CDKAL1: variants seen among roughly 807,000 people sequenced by gnomAD.
CDKAL1 encodes CDKAL1 threonylcarbamoyladenosine tRNA methylthiotransferase.
Under a neutral mutation model 68.2 loss-of-function variants are expected in CDKAL1, and 32 were observed. The observed-to-expected ratio is 0.47, with a 90% CI of 0.35 to 0.63. CDKAL1 has a LOEUF of 0.63. Ranked by LOEUF, CDKAL1 falls within the 30% of genes least tolerant of loss-of-function variation. CDKAL1 has a pLI of 0.00. For synonymous variants in CDKAL1, 234 were observed against 244.3 expected (o/e 0.96, Z 0.39); for missense variants, 606 against 696.7 (o/e 0.87, Z 1.47).
chr6:20,536,935 G>T (rs1169033255), intron 2 of CDKAL1, among the ~76,000 whole-genome samples: 1 of 152,222 alleles, frequency 6.6e-6, no homozygotes, highest in Non-Finnish European at 1.5e-5. Flanking sequence ...GTACACACAT[G>T]AGAATGACTG....
At chr6:20,864,839 A>G (rs182562385) in intron 9 of CDKAL1, among the ~76,000 whole-genome samples, 32 of 152,314 alleles carry the variant, frequency 2.1e-4, no homozygotes, top group African/African-American at 7.5e-4. Context: ...TTTATTGTAC[A>G]TGCTGCATGA....
At chr6:20,937,587 A>T (rs141430929) in intron 9 of CDKAL1, among the ~76,000 whole-genome samples, 1 of 152,064 alleles carries the variant, frequency 6.6e-6, no homozygotes, top group Non-Finnish European at 1.5e-5. Context: ...TTCACTTCCA[A>T]TCTGGGCCAG....
chr6:20,618,352 A>G (rs1044666522), intron 4 of CDKAL1, among the ~76,000 whole-genome samples: 7 of 152,002 alleles, frequency 4.6e-5, no homozygotes, highest in Non-Finnish European at 7.4e-5. Context: ...ATTTTCTCCC[A>G]TTCTGTAGGT....
intron 5 of CDKAL1, among the ~76,000 whole-genome samples, chr6:20,655,174 A>G (rs9465856): frequency 0.068 from 10,369 of 152,164 alleles, 1,129 homozygotes; most frequent in African/African-American, 0.23. Context: ...CCTGCACAGT[A>G]TGTACTTTAT....
intron 13 of CDKAL1, among the ~76,000 whole-genome samples, chr6:21,110,849 T>A (rs115716272): frequency 3.5e-4 from 53 of 152,228 alleles, no homozygotes; most frequent in Non-Finnish European, 5.4e-4. Context: ...ACACCTGTAG[T>A]CCTAGCTACC....
intron 4 of CDKAL1, among the ~76,000 whole-genome samples, chr6:20,610,347 A>G (rs1188515398): frequency 6.6e-6 from 1 of 152,222 alleles, no homozygotes; most frequent in Admixed American, 6.5e-5. Context: ...TCTTTGAGGA[A>G]TCGCCATACA....
intron 15 of CDKAL1, 70 bp downstream of exon 15, chr6:21,201,344 G>T: frequency 7.4e-7 from 1 of 1,345,742 alleles, no homozygotes; most frequent in Non-Finnish European, 1.0e-6. Flanking sequence ...GTGATTCCAG[G>T]CCATGTTTCT....
intron 12 of CDKAL1, among the ~76,000 whole-genome samples, chr6:21,090,002 G>GC (rs34465715): frequency 0.4 from 60,329 of 151,966 alleles, 12,427 homozygotes; most frequent in African/African-American, 0.52. Context: ...TATATAGCAT[G>GC]CAGTGTTAGG....
At chr6:20,981,109 G>T (rs374654903) in intron 10 of CDKAL1, among the ~76,000 whole-genome samples, 4 of 152,178 alleles carry the variant, frequency 2.6e-5, no homozygotes, top group African/African-American at 9.7e-5. Context: ...AACTGAGCAG[G>T]AGGAGGCTGT....
intron 4 of CDKAL1, among the ~76,000 whole-genome samples, chr6:20,579,153 T>A (rs1765036237): frequency 6.6e-6 from 1 of 152,050 alleles, no homozygotes; most frequent in South Asian, 2.1e-4. Flanking sequence ...AATTTTTGTA[T>A]TTTTTTGGTA....
chr6:20,932,136 A>C (rs936581239), intron 9 of CDKAL1, among the ~76,000 whole-genome samples: 3 of 152,188 alleles, frequency 2.0e-5, no homozygotes, highest in African/African-American at 4.8e-5. Flanking sequence ...TTTTGGGATC[A>C]ATAATTGGGA....
chr6:21,167,679 G>A (rs1777206772), intron 13 of CDKAL1, among the ~76,000 whole-genome samples: 1 of 152,186 alleles, frequency 6.6e-6, no homozygotes, highest in South Asian at 2.1e-4. Flanking sequence ...AACTGATTAA[G>A]TGACCAAAAT....
intron 8 of CDKAL1, among the ~76,000 whole-genome samples, chr6:20,783,280 C>T (rs1775513101): frequency 6.6e-6 from 1 of 152,176 alleles, no homozygotes; most frequent in African/African-American, 2.4e-5. Flanking sequence ...TGGCTAGACA[C>T]ATGCCTTTAA....
chr6:20,874,471 T>A (rs1760391679), intron 9 of CDKAL1, among the ~76,000 whole-genome samples: 1 of 151,308 alleles, frequency 6.6e-6, no homozygotes, highest in African/African-American at 2.4e-5. Context: ...GCCTGGCTAA[T>A]TTTTTTTTGT....
chr6:21,076,773 A>C (rs1002318311), intron 12 of CDKAL1, among the ~76,000 whole-genome samples: 1 of 152,152 alleles, frequency 6.6e-6, no homozygotes. Flanking sequence ...CTATCTTGGC[A>C]TTCTTATTCT....
At chr6:20,755,621 C>A (rs1774135035) in intron 6 of CDKAL1, among the ~76,000 whole-genome samples, 1 of 152,162 alleles carries the variant, frequency 6.6e-6, no homozygotes. Flanking sequence ...TTTCATCAGT[C>A]CTTTCAACCA....
At chr6:20,638,825 G>T (rs2127749046) in intron 4 of CDKAL1, among the ~76,000 whole-genome samples, 1 of 152,008 alleles carries the variant, frequency 6.6e-6, no homozygotes, top group Middle Eastern at 3.4e-3. Flanking sequence ...GTAGAGACGG[G>T]GTTTCACCAT....
At chr6:20,617,149 A>G (rs1309381932) in intron 4 of CDKAL1, among the ~76,000 whole-genome samples, 7 of 152,050 alleles carry the variant, frequency 4.6e-5, no homozygotes, top group Non-Finnish European at 7.4e-5. Flanking sequence ...AGGTGGTATC[A>G]TATTAGTCCT....
chr6:20,980,409 T>A (rs1191590782), intron 10 of CDKAL1, among the ~76,000 whole-genome samples: 2 of 152,052 alleles, frequency 1.3e-5, no homozygotes, highest in Non-Finnish European at 2.9e-5. Flanking sequence ...GGCAAATTTT[T>A]TGTATTTTTA....
Sources: allele counts gnomAD v4.1 joint callset (sites outside exome capture counted in the v4.1 genomes callset), GRCh38; gene constraint gnomAD v4.1.1; transcripts MANE v1.5; gene names NCBI Gene and HGNC (gene_info 2026-07-23, HGNC 2026-07-21).